IKZF4: variants seen among roughly 807,000 people sequenced by gnomAD.
IKZF4 encodes zinc finger protein Eos.
In IKZF4, 11 loss-of-function variants were observed where a neutral mutation model predicts 47.7. The observed-to-expected ratio is 0.23, with a 90% confidence interval of 0.15 to 0.38. The LOEUF (loss-of-function observed/expected upper bound fraction) is 0.38. Among genes scored for constraint, IKZF4 ranks in the 10% least tolerant of loss-of-function variants. IKZF4 has a pLI of 1.00. For synonymous variants in IKZF4, 298 were observed against 299.4 expected (o/e 1.00, Z 0.05); for missense variants, 557 against 784.9 (o/e 0.71, Z 3.47).
chr12:56,017,717 G>T (rs1167018232), upstream of IKZF4, among the ~76,000 whole-genome samples: 2 of 152,148 alleles, frequency 1.3e-5, no homozygotes, highest in Admixed American at 1.3e-4. Flanking sequence ...TGGAGACAGG[G>T]TCTCGCTCGG....
chr12:56,032,918 G>A (rs1040972977), intron 6 of IKZF4, among the ~76,000 whole-genome samples: 1 of 152,200 alleles, frequency 6.6e-6, no homozygotes, highest in African/African-American at 2.4e-5. Flanking sequence ...GAGATCGACA[G>A]GTAGGGGAAG....
intron 2 of IKZF4, among the ~76,000 whole-genome samples, chr12:56,012,272 C>CT (rs1227746530): frequency 0.02 from 2,692 of 134,856 alleles, 85 homozygotes; most frequent in African/African-American, 0.057. Flanking sequence ...TGTTAAATGA[C>CT]TTTTTTTTTT....
chr12:56,019,406 G>T, upstream of IKZF4: 1 of 981,676 alleles, frequency 1.0e-6, no homozygotes, highest in Non-Finnish European at 1.2e-6. Flanking sequence ...CAACACCCGG[G>T]TAATGTAAGG....
chr12:56,016,657 C>T (rs921195178), upstream of IKZF4, among the ~76,000 whole-genome samples: 1 of 151,886 alleles, frequency 6.6e-6, no homozygotes, highest in African/African-American at 2.4e-5. Context: ...AGTGCAACGG[C>T]GTGATCTTGG....
chr12:56,024,132 A>C, intron 2 of IKZF4, among the ~76,000 whole-genome samples: 1 of 152,214 alleles, frequency 6.6e-6, no homozygotes, highest in Admixed American at 6.5e-5. Flanking sequence ...ATTTTGAAAA[A>C]CATTATGAAA....
intron 2 of IKZF4, among the ~76,000 whole-genome samples, chr12:56,015,803 T>A (rs1488128241): frequency 6.6e-6 from 1 of 152,216 alleles, no homozygotes; most frequent in Non-Finnish European, 1.5e-5. Context: ...TCTTTTGATC[T>A]CTATCTCAAG....
intron 2 of IKZF4, among the ~76,000 whole-genome samples, chr12:56,015,310 C>A (rs1270249072): frequency 2.0e-5 from 3 of 151,826 alleles, no homozygotes; most frequent in African/African-American, 7.3e-5. Context: ...CTCCTGACCT[C>A]GTGATCCGCC....
rs1221069061 is a variant in IKZF4 at position 56,034,592 on chromosome 12, G to C, written c.1019G>C (p.Ser340Thr). The change falls in exon 8 of 8, where the codon AGC (serine) becomes ACC (threonine). Residue 340 changes from serine to threonine, a missense_variant. This residue lies in a region of IKZF4 where 280 missense variants were observed against 314.0 expected (regional missense o/e 0.89). Coordinates refer to ENST00000547167, the MANE Select transcript of IKZF4 (RefSeq NM_022465.4). ...KFVGEKQMRF[S>T]LSDLPYDVNS... ...ACAGGCGAAAAGCAGATGCGCTTCA[G>C]CCTCTCAGACCTCCCCTATGATGTG... 8 of 1,610,816 alleles carry C rather than the reference G, an allele frequency of 5.0e-6. No homozygotes were observed. Among genetic ancestry groups the C allele is most frequent in the Non-Finnish European group, 6.8e-6 (8 of 1,177,796 alleles).
At chr12:56,008,671 A>ATTTTTTT (rs11456606) in intron 1 of IKZF4, among the ~76,000 whole-genome samples, 2 of 124,606 alleles carry the variant, frequency 1.6e-5, no homozygotes, top group Admixed American at 9.1e-5. Context: ...CTTCCAGGAA[A>ATTTTTTT]TTTTTTTTTT....
intron 2 of IKZF4, chr12:56,011,530 A>C (rs1157393804): frequency 6.6e-6 from 1 of 152,194 alleles, no homozygotes; most frequent in Non-Finnish European, 1.5e-5. Flanking sequence ...TTGTGTTTTC[A>C]GCTCTTACCC....
intron 6 of IKZF4, 133 bp from the exon 7 acceptor site, chr12:56,033,057 A>G: frequency 9.6e-7 from 1 of 1,044,166 alleles, no homozygotes; most frequent in Non-Finnish European, 1.4e-6. Context: ...TAGGGTAAAC[A>G]GAGCCCAGTT....
chr12:56,020,870 G>A, upstream of IKZF4: 1 of 942,210 alleles, frequency 1.1e-6, no homozygotes, highest in African/African-American at 1.8e-5. Context: ...AAAGAGTTCG[G>A]TGGGGGAGGG....
At chr12:56,020,366 A>G (rs1177648111), upstream of IKZF4, among the ~76,000 whole-genome samples, 1 of 151,978 alleles carries the variant, frequency 6.6e-6, no homozygotes, top group Non-Finnish European at 1.5e-5. Flanking sequence ...CACCCCCTCC[A>G]TTTTCCTATC....
rs1162288299 is a variant in IKZF4 at position 56,021,280 on chromosome 12, T to TTTCTCTCC, written c.-214_-213insTTCTCTCC. ...TCTCCCCTCTCCTTCTCTCCCTCTC[T>TTTCTCTCC]CTCTCTCTCTCTCTCACACACACAC... On this transcript the variant is annotated 5_prime_UTR_variant, in exon 1 of 8. Transcript: ENST00000547167. 1 of 1,323,906 alleles carries TTTCTCTCC rather than the reference T, an allele frequency of 7.6e-7. No homozygotes were observed. Among genetic ancestry groups the TTTCTCTCC allele is most frequent in the Non-Finnish European group, 9.8e-7 (1 of 1,023,692 alleles). The allele number at this position is 1,323,906 out of a possible 1,614,324, so 82.0% of individuals were successfully genotyped here. A position where few individuals can be genotyped will look rare whatever the true frequency, so the allele number is the denominator to read the frequency against.
At position 56,035,593 on chromosome 12, in the gene IKZF4, T is replaced by C; in HGVS notation, c.*262T>C. 2.7e-6 allele frequency: 1 copy of C among 368,878 alleles called. No individual in the cohort carries two copies. Among genetic ancestry groups the C allele is most frequent in the Non-Finnish European group, 4.9e-6 (1 of 205,262 alleles). The allele number at this position is 368,878 out of a possible 1,614,324, so 22.9% of individuals were successfully genotyped here. A position where few individuals can be genotyped will look rare whatever the true frequency, so the allele number is the denominator to read the frequency against. ...GCATACTGAGTTATTTATTAATTAGTTGATTTATTTTTGCCTTTTTAAATT... is the reference window on the plus strand; with the variant it reads ...GCATACTGAGTTATTTATTAATTAGCTGATTTATTTTTGCCTTTTTAAATT... On this transcript the variant is annotated 3_prime_UTR_variant, in exon 8 of 8. Transcript: ENST00000547167. This position sits in a 1 kb window ranked among gnomAD's most constrained non-coding sequence, Gnocchi z 6.1.
At chr12:56,028,652 G>A (rs941456494) in intron 5 of IKZF4, among the ~76,000 whole-genome samples, 2 of 150,370 alleles carry the variant, frequency 1.3e-5, no homozygotes, top group African/African-American at 4.9e-5. Flanking sequence ...GTGCAATTTT[G>A]GCTCCCTGCA....
At chr12:56,023,144 A>G (rs2456973) in intron 1 of IKZF4, among the ~76,000 whole-genome samples, 4 of 151,972 alleles carry the variant, frequency 2.6e-5, no homozygotes, top group African/African-American at 9.7e-5. Context: ...TTTCCTCCAC[A>G]TAGCAAGTCG....
intron 7 of IKZF4, 60 bp from the exon 8 acceptor site, chr12:56,034,511 T>C: frequency 1.3e-6 from 2 of 1,494,034 alleles, no homozygotes; most frequent in Non-Finnish European, 1.8e-6. Flanking sequence ...AAAGAAGTAA[T>C]CCTGAGGAGA....
At chr12:56,027,081 T>G (rs1193695332) in intron 4 of IKZF4, 40 bp downstream of exon 4, 1 of 1,459,504 alleles carries the variant, frequency 6.9e-7, no homozygotes, top group Non-Finnish European at 9.1e-7. Flanking sequence ...GCTCCCAGGG[T>G]GGGGTTGAGA....
Sources: gnomAD v4.1 joint callset for allele counts (sites outside exome capture counted in the v4.1 genomes callset) on GRCh38, gnomAD v4.1.1 for gene constraint, gnomAD v4.1.1 regional missense constraint, Gnocchi (gnomAD v3.1) non-coding constraint, MANE v1.5 for transcripts, NCBI Gene and HGNC (gene_info 2026-07-23, HGNC 2026-07-21) for gene names.